Variants in KCNV2 observed in about 807,000 individuals in gnomAD.
KCNV2 encodes the protein potassium voltage-gated channel modifier subfamily V member 2.
A neutral mutation model predicts 37.0 loss-of-function variants in KCNV2; 65 were observed. That is an observed-to-expected ratio of 1.76 (90% CI 1.44 to 2.16). The LOEUF (loss-of-function observed/expected upper bound fraction) is 2.16, where lower values mean the gene tolerates loss of function less well. Ranked by LOEUF, KCNV2 falls within the 30% of genes most tolerant of loss-of-function variation. The pLI, the probability that KCNV2 is intolerant of heterozygous loss-of-function variation, is 0.00. For missense variants in KCNV2, 1,232 were observed against 766.7 expected, an observed-to-expected ratio of 1.61 and a Z score of -7.17; for synonymous variants, 518 against 328.6, an observed-to-expected ratio of 1.58 and a Z score of -6.23.
rs1563797715 is a variant in KCNV2 at position 2,722,166 on chromosome 9, TTAGAAGTTATTTATAAATAAAA to T, written c.1356+3086_1356+3107del. 1.2e-3 allele frequency among the ~76,000 whole-genome samples: 104 copies of T among 88,566 alleles called. 1 individual carries two copies. Among genetic ancestry groups the T allele is most frequent in the Admixed American group, 1.8e-3 (13 of 7,346 alleles). The allele number at this position is 88,566 out of a possible 152,430, so 58.1% of individuals were successfully genotyped here. On this transcript the variant is annotated intron_variant, in intron 1 of 1. Transcript: ENST00000382082. Reference sequence around the variant, plus strand: ...AAATTAGAAGTTATTTATAAATAAATTAGAAGTTATTTATAAATAAAATAGAAGTTATTTATTTATAAATAAA... The same window carrying T: ...AAATTAGAAGTTATTTATAAATAAATTAGAAGTTATTTATTTATAAATAAA...
chr9:2,726,199 A>G (rs1341397406), intron 1 of KCNV2, among the ~76,000 whole-genome samples: 4 of 152,190 alleles, frequency 2.6e-5, no homozygotes, highest in Non-Finnish European at 5.9e-5. Context: ...ATGTGGAAAA[A>G]AAGTTCCCCA....
rs1819778170 is a variant in KCNV2, at chr9:2,718,258, C to T, written c.519C>T (p.Leu173=). Residue 173 remains leucine, a synonymous_variant, in exon 1 of 2, where the codon CTC becomes CTT. Coordinates refer to ENST00000382082, the MANE Select transcript of KCNV2 (RefSeq NM_133497.4). ...ACCTGTCCGGGGTGCTGCTGGTGCT[C>T]GACGGGCTGTGTCCGCGCCGCTTCC... is the stretch of plus-strand genomic sequence containing the variant. ...NFYLSGVLLV[L]DGLCPRRFLE... is the part of the protein sequence containing the mutation. 1.2e-6 allele frequency: 2 copies of T among 1,612,918 alleles called. No homozygotes were observed. Among genetic ancestry groups the T allele is most frequent in the Non-Finnish European group, 1.7e-6 (2 of 1,179,934 alleles).
rs777405471 is a variant in KCNV2, at chr9:2,718,704, C to A, written c.965C>A (p.Ala322Asp). 2 of 1,613,168 alleles carry A rather than the reference C, an allele frequency of 1.2e-6. No individual in the cohort carries two copies. Among genetic ancestry groups the A allele is most frequent in the Non-Finnish European group, 1.7e-6 (2 of 1,179,852 alleles). Residue 322 changes from alanine to aspartate, a missense_variant, in exon 1 of 2, where the codon GCC becomes GAC. Transcript: ENST00000382082. Reference protein sequence around the residue: ...FFTLEYLLRLASTPDLRRFAR... With the variant: ...FFTLEYLLRLDSTPDLRRFAR... ...ACGCTCGAGTACCTGCTGCGCCTAGCCTCCACGCCCGACCTGAGGCGCTTC... is the reference window on the plus strand; with the variant it reads ...ACGCTCGAGTACCTGCTGCGCCTAGACTCCACGCCCGACCTGAGGCGCTTC...
At position 2,729,478 on chromosome 9, in the gene KCNV2, G is replaced by A. The variant is rs1451835643; in HGVS notation, c.1389G>A (p.Met463Ile). ...VSISTVGYGD[M>I]YPETHLGRFF... is the part of the protein sequence containing the mutation. ...TCTCCACCGTGGGCTACGGAGACATGTACCCAGAGACCCACCTGGGCAGGT... is the reference window on the plus strand; with the variant it reads ...TCTCCACCGTGGGCTACGGAGACATATACCCAGAGACCCACCTGGGCAGGT... The change falls in exon 2 of 2, where the codon ATG becomes ATA. Residue 463 changes from methionine (M) to isoleucine (I), a missense_variant. Met to Ile is a conservative substitution (Grantham distance 10). Transcript: ENST00000382082. 1 of 1,613,970 alleles carries A rather than the reference G, an allele frequency of 6.2e-7. No homozygotes were observed. Among genetic ancestry groups the A allele is most frequent in the East Asian group, 2.2e-5 (1 of 44,876 alleles).
rs766187569 is a variant in KCNV2 at position 2,718,262 on chromosome 9, G to C, written c.523G>C (p.Gly175Arg). Residue 175 changes from glycine (G) to arginine (R), a missense_variant, in exon 1 of 2, where the codon GGG (glycine) becomes CGG (arginine). Coordinates refer to ENST00000382082, the MANE Select transcript of KCNV2 (RefSeq NM_133497.4). ...YLSGVLLVLD[G>R]LCPRRFLEEL... ...GTCCGGGGTGCTGCTGGTGCTCGAC[G>C]GGCTGTGTCCGCGCCGCTTCCTGGA... 1.9e-6 allele frequency: 3 copies of C among 1,612,654 alleles called. No individual in the cohort carries two copies. The highest frequency in any genetic ancestry group is 2.5e-6 in the Non-Finnish European group (3 of 1,179,912).
Position 2,722,236 on chromosome 9 carries a change from T to TAAATTAGAAGTTATTTATTTAC in KCNV2, c.1356+3182_1356+3203dup, listed in dbSNP as rs1276823571. 2.2e-4 allele frequency among the ~76,000 whole-genome samples: 31 copies of TAAATTAGAAGTTATTTATTTAC among 142,936 alleles called. No homozygotes were observed. The East Asian group carries it at 4.2e-3, about 19-fold the overall frequency. The allele number at this position is 142,936 out of a possible 152,430, so 93.8% of individuals were successfully genotyped here. The stretch of plus-strand genomic sequence containing the variant: ...AAATTAGAAGTTATTTATTTATAAA[T>TAAATTAGAAGTTATTTATTTAC]AAATTAGAAGTTATTTATTTACAAA... On this transcript the variant is annotated intron_variant, in intron 1 of 1. Transcript: ENST00000382082.
Position 2,718,005 on chromosome 9 carries a change from C to A in KCNV2, c.266C>A (p.Pro89His). 1.2e-6 allele frequency: 2 copies of A among 1,613,934 alleles called. No homozygotes were observed. Among genetic ancestry groups the A allele is most frequent in the South Asian group, 1.1e-5 (1 of 91,064 alleles). The change falls in exon 1 of 2, where the codon CCC (proline) becomes CAC (histidine). Residue 89 changes from proline (P) to histidine (H), a missense_variant. Coordinates refer to ENST00000382082, the MANE Select transcript of KCNV2 (RefSeq NM_133497.4). Reference protein sequence around the residue: ...GEVTTAKPEGPSDPPALLSTL... With the variant: ...GEVTTAKPEGHSDPPALLSTL... ...GTCACCACCGCCAAGCCCGAGGGCC[C>A]CAGCGACCCTCCGGCCCTGCTGTCC...
intron 1 of KCNV2, among the ~76,000 whole-genome samples, chr9:2,721,068 G>A (rs1239032801): frequency 6.6e-6 from 1 of 152,064 alleles, no homozygotes; most frequent in African/African-American, 2.4e-5. Context: ...TGAATCACCA[G>A]TTTTTGCCAA....
At position 2,718,871 on chromosome 9, in the gene KCNV2, G is replaced by GT; in HGVS notation, c.1133dup (p.Met379HisfsTer120). ...GGGTAAGGTGGGTCAGGTGTTGCGC[G>GT]TCATGCGCCTCATGCGCATCTTCCG... On this transcript the variant is annotated frameshift_variant, in exon 1 of 2. Coordinates refer to ENST00000382082, the MANE Select transcript of KCNV2 (RefSeq NM_133497.4). LOFTEE classifies it high-confidence loss of function. The GT allele has an allele frequency of 6.2e-7, 1 of 1,608,982 alleles. No homozygotes were observed. The highest frequency in any genetic ancestry group is 1.7e-5 in the Admixed American group (1 of 60,024).
At chr9:2,721,291 T>C (rs1819863236) in intron 1 of KCNV2, among the ~76,000 whole-genome samples, 1 of 152,230 alleles carries the variant, frequency 6.6e-6, no homozygotes, top group African/African-American at 2.4e-5. Flanking sequence ...ACTGATCATC[T>C]GTATTTATTT....
chr9:2,724,678 C>T (rs1181755192), intron 1 of KCNV2, among the ~76,000 whole-genome samples: 1 of 152,212 alleles, frequency 6.6e-6, no homozygotes, highest in Non-Finnish European at 1.5e-5. Flanking sequence ...AATGCCTGAA[C>T]CATAGCTATT....
chr9:2,717,722 C>T lies in KCNV2; in HGVS notation c.-18C>T, dbSNP rs543439534. The T allele has an allele frequency of 2.0e-4, 324 of 1,614,150 alleles. 2 individuals carry two copies. In the South Asian group the frequency reaches 3.3e-3, roughly 16 times the overall value. The stretch of plus-strand genomic sequence containing the variant: ...CCACAGCCAGGAGGAAAAAGCTAGG[C>T]GTCCACTTTCCGCAGCCATGCTCAA... On this transcript the variant is annotated 5_prime_UTR_variant, in exon 1 of 2. Coordinates refer to ENST00000382082, the MANE Select transcript of KCNV2 (RefSeq NM_133497.4).
At chr9:2,720,135 G>A (rs1483920806) in intron 1 of KCNV2, among the ~76,000 whole-genome samples, 3 of 152,218 alleles carry the variant, frequency 2.0e-5, no homozygotes, top group African/African-American at 7.2e-5. Flanking sequence ...ATGTCAGAAA[G>A]TAGATATTTT....
rs1819792990 is a variant in KCNV2 at position 2,718,601 on chromosome 9, C to T, written c.862C>T (p.His288Tyr). Reference sequence around the variant, plus strand: ...CAACACCGTGGAGGAGATGCAGCAGCACTCGGGGCAGGGCGAGGGCGGCCC... The same window carrying T: ...CAACACCGTGGAGGAGATGCAGCAGTACTCGGGGCAGGGCGAGGGCGGCCC... ...ALNTVEEMQQ[H>Y]SGQGEGGPDL... The change falls in exon 1 of 2, where the codon CAC becomes TAC. Residue 288 changes from histidine to tyrosine, a missense_variant. His to Tyr is a moderately conservative substitution (Grantham distance 83, BLOSUM62 2). Coordinates refer to ENST00000382082, the MANE Select transcript of KCNV2 (RefSeq NM_133497.4). 3 of 1,612,956 alleles carry T rather than the reference C, an allele frequency of 1.9e-6. No homozygotes were observed. The highest frequency in any genetic ancestry group is 1.7e-5 in the Admixed American group (1 of 59,988).
intron 1 of KCNV2, among the ~76,000 whole-genome samples, 189 bp from the exon 2 acceptor site, chr9:2,729,257 T>G (rs1820021222): frequency 6.6e-6 from 1 of 152,134 alleles, no homozygotes; most frequent in African/African-American, 2.4e-5. Flanking sequence ...CATCCATAGC[T>G]TCTGTTCTTT....
chr9:2,723,300 C>T (rs1184958709), intron 1 of KCNV2, among the ~76,000 whole-genome samples: 1 of 152,126 alleles, frequency 6.6e-6, no homozygotes, highest in Admixed American at 6.5e-5. Flanking sequence ...CTTATCCATT[C>T]TTTTATGTAT....
chr9:2,730,025 T>G lies in KCNV2; in HGVS notation c.*298T>G. The G allele has an allele frequency of 3.1e-6, 1 of 325,950 alleles. No individual in the cohort carries two copies. The highest frequency in any genetic ancestry group is 5.7e-6 in the Non-Finnish European group (1 of 176,848). The allele number at this position is 325,950 out of a possible 1,614,324, so 20.2% of individuals were successfully genotyped here. On this transcript the variant is annotated 3_prime_UTR_variant, in exon 2 of 2. Transcript: ENST00000382082. ...CTCGTGGCATCTAGCTCAATAAATA[T>G]TTTTGGACTTGAGTTGACTTGAGAA...
intron 1 of KCNV2, among the ~76,000 whole-genome samples, chr9:2,728,881 TA>T (rs60674628): frequency 0.054 from 5,343 of 98,264 alleles, 266 homozygotes; most frequent in African/African-American, 0.15. Context: ...CTGTTTTAAA[TA>T]AAAAAAAAAA....
Position 2,729,653 on chromosome 9 carries a change from C to G in KCNV2, c.1564C>G (p.Gln522Glu), listed in dbSNP as rs1820032746. Residue 522 changes from glutamine (Q) to glutamate (E), a missense_variant, in exon 2 of 2, where the codon CAG becomes GAG. By Grantham distance (29) the Gln-to-Glu change is conservative (BLOSUM62 2). Transcript: ENST00000382082. ...GGAGAGGGGAGAGGTGAACTTCATG[C>G]AGAGAGCCAGAAAGAAGATAGCTGA... ...RRERGEVNFM[Q>E]RARKKIAECL... 1.2e-6 allele frequency: 2 copies of G among 1,614,068 alleles called. No individual in the cohort carries two copies. Among genetic ancestry groups the G allele is most frequent in the African/African-American group, 1.3e-5 (1 of 74,992 alleles).
Sources: gnomAD v4.1 joint callset for allele counts (sites outside exome capture counted in the v4.1 genomes callset) on GRCh38, gnomAD v4.1.1 for gene constraint, MANE v1.5 for transcripts, NCBI Gene and HGNC (gene_info 2026-07-23, HGNC 2026-07-21) for gene names.